TNFRSF10A: variants seen among roughly 807,000 people sequenced by gnomAD.
The protein encoded by TNFRSF10A is TNF receptor superfamily member 10a.
A neutral mutation model predicts 42.8 loss-of-function variants in TNFRSF10A; 44 were observed. That is an observed-to-expected ratio of 1.03 (90% CI 0.81 to 1.32). TNFRSF10A has a LOEUF of 1.32. Among genes scored for constraint, TNFRSF10A ranks in the 40% most tolerant of loss-of-function variants. The pLI is 0.00. For missense variants in TNFRSF10A, 680 were observed against 602.0 expected (o/e 1.13, Z -1.36); for synonymous variants, 259 against 234.2 (o/e 1.11, Z -0.97).
intron 9 of TNFRSF10A, among the ~76,000 whole-genome samples, chr8:23,193,039 T>C (rs1323070115): frequency 6.6e-6 from 1 of 152,236 alleles, no homozygotes; most frequent in Non-Finnish European, 1.5e-5. Context: ...TTGCCTCCTA[T>C]ATAAACCCTT....
At chr8:23,193,229 G>C (rs1479729030) in intron 9 of TNFRSF10A, among the ~76,000 whole-genome samples, 5 of 152,074 alleles carry the variant, frequency 3.3e-5, no homozygotes, top group African/African-American at 1.2e-4. Flanking sequence ...TCCCTGGCTG[G>C]GAAAGTGTTG....
At chr8:23,220,027 A>G (rs910891381) in intron 1 of TNFRSF10A, among the ~76,000 whole-genome samples, 5 of 152,082 alleles carry the variant, frequency 3.3e-5, no homozygotes, top group Non-Finnish European at 5.9e-5. Context: ...GTAAAATGTG[A>G]TGATTCACAT....
At chr8:23,194,508 A>C (rs1800797212) in intron 9 of TNFRSF10A, among the ~76,000 whole-genome samples, 1 of 152,248 alleles carries the variant, frequency 6.6e-6, no homozygotes, top group African/African-American at 2.4e-5. Context: ...AGCCCAACCA[A>C]AACAAAATGA....
At chr8:23,213,335 G>T (rs62501126) in intron 1 of TNFRSF10A, among the ~76,000 whole-genome samples, 34,692 of 151,296 alleles carry the variant, frequency 0.23, 4,896 homozygotes, top group Non-Finnish European at 0.31. Context: ...TCTCTCTTAA[G>T]GGTCAACTTT....
At chr8:23,219,643 T>A (rs1336716084) in intron 1 of TNFRSF10A, among the ~76,000 whole-genome samples, 1 of 152,148 alleles carries the variant, frequency 6.6e-6, no homozygotes, top group Non-Finnish European at 1.5e-5. Context: ...ACAAGCCAGG[T>A]GAGAGGCGCA....
In TNFRSF10A at chr8:23,200,394, G is replaced by C. The variant is rs1367898968; in HGVS notation, c.799+111C>G. ...GGGTGATCACAAGGAGGAAGATAGA[G>C]CCCGGCCAGAGACACTAGGACTTGG... is the stretch of plus-strand genomic sequence containing the variant. On this transcript the variant is annotated intron_variant, in intron 6 of 9. Coordinates refer to ENST00000221132, the MANE Select transcript of TNFRSF10A (RefSeq NM_003844.4). 9 of 1,213,788 alleles carry C rather than the reference G, an allele frequency of 7.4e-6. No individual in the cohort carries two copies. The East Asian group carries it at 2.2e-4, about 30-fold the overall frequency. 75.2% of individuals were successfully genotyped at this position (1,213,788 alleles called of 1,614,324 possible). A position where few individuals can be genotyped will look rare whatever the true frequency, so the allele number is the denominator to read the frequency against.
At chr8:23,218,647 AC>A (rs137860244) in intron 1 of TNFRSF10A, among the ~76,000 whole-genome samples, 21,998 of 151,846 alleles carry the variant, frequency 0.14, 1,850 homozygotes, top group Middle Eastern at 0.25. Context: ...CTTCTCAGGT[AC>A]CCCCAGCAGT....
At chr8:23,214,113 C>T (rs1381964818) in intron 1 of TNFRSF10A, among the ~76,000 whole-genome samples, 1 of 152,030 alleles carries the variant, frequency 6.6e-6, no homozygotes, top group African/African-American at 2.4e-5. Context: ...GGATTATAGG[C>T]GTGAGCTACA....
rs1366398224 is a variant in TNFRSF10A at position 23,191,068 on chromosome 8, G to T, written c.*626C>A. On this transcript the variant is annotated 3_prime_UTR_variant, in exon 10 of 10. Transcript: ENST00000221132. ...CGGTGCCCCCCCAAATTAAGGGTAG[G>T]TCTTTTCCACTCAGTCCACCCGATC... 1 of 152,086 alleles carries T rather than the reference G, an allele frequency of 6.6e-6. No individual in the cohort carries two copies. Among genetic ancestry groups the T allele is most frequent in the African/African-American group, 2.4e-5 (1 of 41,370 alleles). 9.4% of individuals were successfully genotyped at this position (152,086 alleles called of 1,614,324 possible).
intron 1 of TNFRSF10A, among the ~76,000 whole-genome samples, chr8:23,216,009 G>A (rs1468716926): frequency 6.6e-6 from 1 of 151,754 alleles, no homozygotes; most frequent in Admixed American, 6.6e-5. Context: ...GTAGAGATGG[G>A]GTTTCTCCAT....
chr8:23,191,602 G>A lies in TNFRSF10A; in HGVS notation c.*92C>T, dbSNP rs1197664430. 7 of 1,436,390 alleles carry A rather than the reference G, an allele frequency of 4.9e-6. No individual in the cohort carries two copies. The highest frequency in any genetic ancestry group is 6.4e-6 in the Non-Finnish European group (7 of 1,100,510). 89.0% of individuals were successfully genotyped at this position (1,436,390 alleles called of 1,614,324 possible). On this transcript the variant is annotated 3_prime_UTR_variant, in exon 10 of 10. Coordinates refer to ENST00000221132, the MANE Select transcript of TNFRSF10A (RefSeq NM_003844.4). ...GGCATGAGCCACTACACCTGGCTAA[G>A]AATTTACTTTGTATACATGTTAAAA...
chr8:23,192,407 AG>A (rs1390368167), intron 9 of TNFRSF10A, among the ~76,000 whole-genome samples: 2 of 152,330 alleles, frequency 1.3e-5, no homozygotes, highest in Middle Eastern at 3.4e-3. Flanking sequence ...AGCATGTCCC[AG>A]GGTGGCCACT....
At chr8:23,217,382 A>G (rs1393763451) in intron 1 of TNFRSF10A, among the ~76,000 whole-genome samples, 3 of 151,922 alleles carry the variant, frequency 2.0e-5, no homozygotes, top group African/African-American at 7.3e-5. Flanking sequence ...ACACCCAGCT[A>G]ATTTTTGTAT....
At position 23,199,257 on chromosome 8, in the gene TNFRSF10A, C is replaced by G; in HGVS notation, c.1014+9G>C. 6.2e-7 allele frequency: 1 copy of G among 1,609,734 alleles called. No individual in the cohort carries two copies. The highest frequency in any genetic ancestry group is 1.7e-4 in the Middle Eastern group (1 of 6,036). On this transcript the variant is annotated intron_variant, in intron 8 of 9. Transcript: ENST00000221132. ...TACAAGGTCTTGGAGGGGCCTGTCC[C>G]CAACTCACCAGCAGACACTGTGCCT...
Position 23,201,826 on chromosome 8 carries a change from C to G in TNFRSF10A, c.611G>C (p.Cys204Ser). ...GTCTCACCCTCTGCTGCACTTCCGG[C>G]ACATCTCAGCAGAATTGTCATTCCG... is the stretch of plus-strand genomic sequence containing the variant. ...TFRNDNSAEM[C>S]RKCSRGCPRG... Residue 204 changes from cysteine to serine, a missense_variant, in exon 4 of 10, where the codon TGC (cysteine) becomes TCC (serine). Transcript: ENST00000221132. 6.2e-7 allele frequency: 1 copy of G among 1,614,184 alleles called. No individual in the cohort carries two copies. Among genetic ancestry groups the G allele is most frequent in the Non-Finnish European group, 8.5e-7 (1 of 1,180,018 alleles).
chr8:23,193,342 C>A (rs1800780247), intron 9 of TNFRSF10A, among the ~76,000 whole-genome samples: 1 of 152,236 alleles, frequency 6.6e-6, no homozygotes, highest in Non-Finnish European at 1.5e-5. Flanking sequence ...TCAGGTCCCA[C>A]TGCAGCCGGC....
intron 2 of TNFRSF10A, 97 bp downstream of exon 2, chr8:23,212,019 A>G (rs1801098671): frequency 1.8e-6 from 2 of 1,095,770 alleles, no homozygotes; most frequent in Admixed American, 2.0e-5. Context: ...AACATGGAAA[A>G]GGAATGTTAT....
At chr8:23,216,453 G>A (rs549949272) in intron 1 of TNFRSF10A, among the ~76,000 whole-genome samples, 2 of 152,112 alleles carry the variant, frequency 1.3e-5, no homozygotes, top group South Asian at 4.2e-4. Flanking sequence ...ATCCCCAAAA[G>A]AAACTCCAGG....
rs1422451736 is a variant in TNFRSF10A at position 23,202,732 on chromosome 8, A to C, written c.433T>G (p.Cys145Gly). Residue 145 changes from cysteine (C) to glycine (G), a missense_variant, in exon 3 of 10, where the codon TGT becomes GGT. Coordinates refer to ENST00000221132, the MANE Select transcript of TNFRSF10A (RefSeq NM_003844.4). ...GSHRSEHPGACNRCTEGVGYT... is the reference protein window; with the variant it reads ...GSHRSEHPGAGNRCTEGVGYT... The stretch of plus-strand genomic sequence containing the variant: ...CCCACACCCTCTGTGCACCGGTTAC[A>C]GGCTCCAGGATGTTCTGATCTATGA... 1.2e-6 allele frequency: 2 copies of C among 1,613,928 alleles called. No homozygotes were observed. The highest frequency in any genetic ancestry group is 1.7e-5 in the Admixed American group (1 of 60,016).
Sources: allele counts gnomAD v4.1 joint callset (sites outside exome capture counted in the v4.1 genomes callset), GRCh38; gene constraint gnomAD v4.1.1; transcripts MANE v1.5; gene names NCBI Gene and HGNC (gene_info 2026-07-23, HGNC 2026-07-21).